PEAR1: variants seen among roughly 807,000 people sequenced by gnomAD.
The protein encoded by PEAR1 is multiple EGF-like domains protein 12.
Under a neutral mutation model 131.2 loss-of-function variants are expected in PEAR1, and 113 were observed. The ratio of observed to expected loss-of-function variants is 0.86; its 90% CI spans 0.74 to 1.01. PEAR1 has a LOEUF of 1.01. PEAR1 is among the 50% of genes least tolerant of loss of function. PEAR1 has a pLI of 0.00. For synonymous variants in PEAR1, 565 were observed against 523.3 expected (o/e 1.08, Z -1.09); for missense variants, 1,408 against 1,391.1 (o/e 1.01, Z -0.19).
rs753054195 is a variant in PEAR1, at chr1:156,910,262, G to A, written c.1707G>A (p.Glu569=). The A allele has an allele frequency of 7.4e-6, 12 of 1,613,060 alleles. No homozygotes were observed. The East Asian group carries it at 1.3e-4, about 18-fold the overall frequency. ...CCCGCTGCCACCTGTCCTGCCCTGA[G>A]GGCTTATGGGGAGTCAACTGTAGCA... is the stretch of plus-strand genomic sequence containing the variant. ...MGARCHLSCP[E]GLWGVNCSNT... Residue 569 remains glutamate, a synonymous_variant, in exon 14 of 23, where the codon GAG becomes GAA. Transcript: ENST00000292357.
chr1:156,907,049 C>G (rs543794175), intron 6 of PEAR1, among the ~76,000 whole-genome samples, 169 bp downstream of exon 6: 1 of 152,224 alleles, frequency 6.6e-6, no homozygotes, highest in Non-Finnish European at 1.5e-5. Context: ...TGACCTTGAG[C>G]AAATCATTGA....
At chr1:156,906,939 T>G (rs1459589312) in intron 6 of PEAR1, 59 bp downstream of exon 6, 15 of 1,549,426 alleles carry the variant, frequency 9.7e-6, no homozygotes, top group Non-Finnish European at 1.2e-5. Context: ...CACACAGATC[T>G]ATGTGGGGAA....
intron 4 of PEAR1, among the ~76,000 whole-genome samples, chr1:156,905,721 T>G (rs905800392): frequency 1.3e-5 from 2 of 152,150 alleles, no homozygotes; most frequent in Admixed American, 6.5e-5. Context: ...TGTTCTGTCT[T>G]TGGGCTGTCT....
chr1:156,910,406 C>T (rs772107735), intron 14 of PEAR1, 26 bp downstream of exon 14: 2 of 1,565,682 alleles, frequency 1.3e-6, no homozygotes, highest in East Asian at 2.2e-5. Context: ...GCCCCTTCCA[C>T]CTGCCACCAG....
chr1:156,909,039 A>G lies in PEAR1; in HGVS notation c.1411+3A>G, dbSNP rs1050397641. On this transcript the variant is annotated splice_donor_region_variant and intron_variant, in intron 11 of 22. Coordinates refer to ENST00000292357, the MANE Select transcript of PEAR1 (RefSeq NM_001080471.3). ...CGGCGAGTGCGTCTGCAAGGAAGGT[A>G]ATAGGGTGGAGTTTCCCAGAGAGAA... is the stretch of plus-strand genomic sequence containing the variant. 10 of 1,613,736 alleles carry G rather than the reference A, an allele frequency of 6.2e-6. No individual in the cohort carries two copies. Among genetic ancestry groups the G allele is most frequent in the Non-Finnish European group, 8.5e-6 (10 of 1,179,982 alleles).
chr1:156,908,179 G>A lies in PEAR1; in HGVS notation c.954G>A (p.Thr318=). Residue 318 remains threonine (T), a synonymous_variant, in exon 9 of 23, where the codon ACG becomes ACA. Transcript: ENST00000292357. This position sits in a 1 kb window ranked among gnomAD's most constrained non-coding sequence, Gnocchi z 4.2. ...GCTTTGGGCAGGACTGTGCTGAGAC[G>A]TGCGACTGCGCCCCGGACGCCCGTT... ...VGRFGQDCAE[T]CDCAPDARCF... is the part of the protein sequence containing the mutation. The A allele has an allele frequency of 1.2e-6, 2 of 1,603,612 alleles. No homozygotes were observed. Among genetic ancestry groups the A allele is most frequent in the Non-Finnish European group, 1.7e-6 (2 of 1,179,046 alleles).
At chr1:156,913,320 C>T (rs778155023) in intron 19 of PEAR1, 38 bp downstream of exon 19, 22 of 1,597,316 alleles carry the variant, frequency 1.4e-5, no homozygotes, top group East Asian at 4.5e-5. Flanking sequence ...TGGAGGGAAG[C>T]GCACAGACCA....
chr1:156,901,024 G>A (rs2102972195), intron 1 of PEAR1, among the ~76,000 whole-genome samples: 1 of 152,256 alleles, frequency 6.6e-6, no homozygotes, highest in South Asian at 2.1e-4. Context: ...TGGGCTCCTG[G>A]TCTGGCCTGT....
At chr1:156,914,133 A>G (rs1276365397) in intron 22 of PEAR1, 33 bp downstream of exon 22, 1 of 1,541,194 alleles carries the variant, frequency 6.5e-7, no homozygotes, top group East Asian at 2.4e-5. Context: ...CAGGAGCAGC[A>G]GAGAACTGGG....
chr1:156,909,742 C>G lies in PEAR1; in HGVS notation c.1412-9C>G. On this transcript the variant is annotated splice_polypyrimidine_tract_variant and intron_variant, in intron 11 of 22. Coordinates refer to ENST00000292357, the MANE Select transcript of PEAR1 (RefSeq NM_001080471.3). The stretch of plus-strand genomic sequence containing the variant: ...GTCCCCATACCTACCTACCAGGCCC[C>G]TCCTCCAGGTTGGCAGCGTGGTAAC... 6.3e-7 allele frequency: 1 copy of G among 1,592,034 alleles called. No homozygotes were observed. The highest frequency in any genetic ancestry group is 8.6e-7 in the Non-Finnish European group (1 of 1,165,658).
At position 156,910,691 on chromosome 1, in the gene PEAR1, G is replaced by A. The variant is rs990179284; in HGVS notation, c.1899G>A (p.Ser633=). 6.2e-7 allele frequency: 1 copy of A among 1,614,032 alleles called. No individual in the cohort carries two copies. The highest frequency in any genetic ancestry group is 1.7e-5 in the Admixed American group (1 of 60,016). Residue 633 remains serine, a synonymous_variant, in exon 15 of 23, where the codon TCG becomes TCA. Coordinates refer to ENST00000292357, the MANE Select transcript of PEAR1 (RefSeq NM_001080471.3). ...KCANHSFCHP[S]NGTCYCLAGW... is the part of the protein sequence containing the mutation. ...CTAACCACTCCTTCTGCCACCCCTC[G>A]AACGGGACCTGCTACTGCCTGGCTG...
chr1:156,894,129 T>C (rs1297614033), intron 1 of PEAR1, among the ~76,000 whole-genome samples: 1 of 152,190 alleles, frequency 6.6e-6, no homozygotes, highest in African/African-American at 2.4e-5. Flanking sequence ...CCCCGGACTT[T>C]GTGAGTCAGG....
intron 17 of PEAR1, 52 bp downstream of exon 17, chr1:156,912,674 C>G (rs1026813892): frequency 6.2e-7 from 1 of 1,609,080 alleles, no homozygotes; most frequent in African/African-American, 1.3e-5. Context: ...GAACTGGGAC[C>G]TAGGCCCCTC....
intron 11 of PEAR1, among the ~76,000 whole-genome samples, chr1:156,909,278 C>T (rs975802391): frequency 2.6e-4 from 39 of 152,170 alleles, no homozygotes; most frequent in Admixed American, 9.8e-4. Context: ...ACCTCACTGG[C>T]GAACGTCCCT....
Position 156,914,083 on chromosome 1 carries a change from C to T in PEAR1, c.2945C>T (p.Pro982Leu), listed in dbSNP as rs765493694. The T allele has an allele frequency of 6.2e-7, 1 of 1,600,584 alleles. No individual in the cohort carries two copies. The highest frequency in any genetic ancestry group is 1.1e-5 in the South Asian group (1 of 88,898). The change falls in exon 22 of 23, where the codon CCC (proline) becomes CTC (leucine). Residue 982 changes from proline (P) to leucine (L), a missense_variant. Physicochemically the swap from Pro to Leu is moderately conservative, Grantham distance 98 (BLOSUM62 -3). Transcript: ENST00000292357. ...PQRDSGTYEQ[P>L]SPLIHDRDSV... Reference sequence around the variant, plus strand: ...AGAGACAGTGGCACCTACGAGCAGCCCAGCCCCCTGATCCATGGTGAGCCC... The same window carrying T: ...AGAGACAGTGGCACCTACGAGCAGCTCAGCCCCCTGATCCATGGTGAGCCC...
chr1:156,910,318 G>A lies in PEAR1; in HGVS notation c.1763G>A (p.Cys588Tyr), dbSNP rs1205765233. ...TGCACCTGCAAGAATGGGGGCACCT[G>A]TCTCCCTGAGAATGGCAACTGCGTG... Reference protein sequence around the residue: ...NTCTCKNGGTCLPENGNCVCA... With the variant: ...NTCTCKNGGTYLPENGNCVCA... The change falls in exon 14 of 23, where the codon TGT becomes TAT. Residue 588 changes from cysteine (C) to tyrosine (Y), a missense_variant. By Grantham distance (194) the Cys-to-Tyr change is radical. Coordinates refer to ENST00000292357, the MANE Select transcript of PEAR1 (RefSeq NM_001080471.3). 2.5e-6 allele frequency: 4 copies of A among 1,613,296 alleles called. No individual in the cohort carries two copies. Among genetic ancestry groups the A allele is most frequent in the Non-Finnish European group, 3.4e-6 (4 of 1,179,656 alleles).
chr1:156,905,858 C>T (rs1170391752), intron 4 of PEAR1, among the ~76,000 whole-genome samples: 1 of 152,060 alleles, frequency 6.6e-6, no homozygotes, highest in Admixed American at 6.6e-5. Flanking sequence ...GCCCACTGCA[C>T]CCCCCTCCCA....
intron 1 of PEAR1, among the ~76,000 whole-genome samples, chr1:156,898,416 T>A (rs1400485290): frequency 6.6e-6 from 1 of 152,158 alleles, no homozygotes; most frequent in Non-Finnish European, 1.5e-5. Context: ...GCAGGCTTCC[T>A]GTTTCTCCAT....
In PEAR1 at chr1:156,910,628, T is replaced by C. The variant is rs150313088; in HGVS notation, c.1836T>C (p.Pro612=). Residue 612 remains proline (P), a synonymous_variant, in exon 15 of 23, where the codon CCT becomes CCC. Coordinates refer to ENST00000292357, the MANE Select transcript of PEAR1 (RefSeq NM_001080471.3). The part of the protein sequence containing the change: ...RGPSCQRSCQ[P]GRYGKRCVPC... ...ACCCCTTTCCCCCAGCCTGTCAGCCTGGCCGCTATGGCAAACGCTGTGTGC... is the reference window on the plus strand; with the variant it reads ...ACCCCTTTCCCCCAGCCTGTCAGCCCGGCCGCTATGGCAAACGCTGTGTGC... 11 of 1,614,108 alleles carry C rather than the reference T, an allele frequency of 6.8e-6. No individual in the cohort carries two copies. Among genetic ancestry groups the C allele is most frequent in the African/African-American group, 1.3e-5 (1 of 75,080 alleles).
Sources: allele counts gnomAD v4.1 joint callset (sites outside exome capture counted in the v4.1 genomes callset), GRCh38; gene constraint gnomAD v4.1.1; non-coding constraint Gnocchi (gnomAD v3.1); transcripts MANE v1.5; gene names NCBI Gene and HGNC (gene_info 2026-07-23, HGNC 2026-07-21).